STRN3: variants seen among roughly 807,000 people sequenced by gnomAD.
STRN3 encodes the protein striatin 3.
A neutral mutation model predicts 95.6 loss-of-function variants in STRN3; 29 were observed. The observed-to-expected ratio is 0.30, with a 90% CI of 0.23 to 0.41. STRN3 has a LOEUF of 0.41. Ranked by LOEUF, STRN3 falls within the 10% of genes least tolerant of loss-of-function variation. STRN3 has a pLI of 1.00. For missense variants in STRN3, 890 were observed against 972.1 expected, an observed-to-expected ratio of 0.92 and a Z score of 1.12; for synonymous variants, 331 against 357.6, an observed-to-expected ratio of 0.93 and a Z score of 0.84.
chr14:30,919,202 A>G, intron 8 of STRN3, 96 bp from the exon 9 acceptor site: 1 of 1,252,058 alleles, frequency 8.0e-7, no homozygotes, highest in Non-Finnish European at 1.1e-6. Context: ...ACAGACTATT[A>G]AGAAGTCCCA....
chr14:30,929,967 A>AACAACAACAAAAAAAAAAAAAAAC (rs1555317335), intron 7 of STRN3, among the ~76,000 whole-genome samples: 2 of 91,122 alleles, frequency 2.2e-5, no homozygotes, highest in African/African-American at 7.7e-5. Context: ...AAAAAAAAAA[A>AACAACAACAAAAAAAAAAAAAAAC]AAAAAAAAAA....
intron 1 of STRN3, among the ~76,000 whole-genome samples, chr14:30,985,529 G>T (rs568403953): frequency 6.6e-6 from 1 of 151,508 alleles, no homozygotes; most frequent in Admixed American, 6.6e-5. Flanking sequence ...ACTTCAATCT[G>T]GTGGGCAGAG....
chr14:30,993,255 A>AG, intron 1 of STRN3, among the ~76,000 whole-genome samples: 1 of 11,774 alleles, frequency 8.5e-5, no homozygotes, highest in Non-Finnish European at 5.0e-4. Flanking sequence ...ACACTGTCTC[A>AG]AAAAAAAAAA....
intron 1 of STRN3, among the ~76,000 whole-genome samples, chr14:31,019,179 G>A (rs1479019045): frequency 7.9e-5 from 12 of 152,096 alleles, no homozygotes; most frequent in Non-Finnish European, 1.6e-4. Flanking sequence ...GTGGTAGCAC[G>A]TGCCTATAGT....
chr14:30,995,963 T>C (rs917137485), intron 1 of STRN3, among the ~76,000 whole-genome samples: 1 of 152,292 alleles, frequency 6.6e-6, no homozygotes, highest in South Asian at 2.1e-4. Flanking sequence ...ATCCAATGAC[T>C]GATCAAACCT....
chr14:30,930,043 C>T (rs969464452), intron 7 of STRN3, among the ~76,000 whole-genome samples: 2 of 142,166 alleles, frequency 1.4e-5, no homozygotes, highest in African/African-American at 5.3e-5. Context: ...TAGTGATCAG[C>T]ATGGAGAAGT....
At position 30,929,855 on chromosome 14, in the gene STRN3, A is replaced by G. The variant is rs117197721; in HGVS notation, c.989-544T>C. ...ATAGTTCAAAAATACAATGTCTTGA[A>G]TAATCCATACAAAGCATTCAGAGTC... On this transcript the variant is annotated intron_variant, in intron 7 of 17. Transcript: ENST00000357479. 1.8e-3 allele frequency among the ~76,000 whole-genome samples: 276 copies of G among 151,170 alleles called. 5 individuals carry two copies. In the East Asian group the frequency reaches 0.032, roughly 17 times the overall value.
intron 1 of STRN3, among the ~76,000 whole-genome samples, chr14:30,977,708 G>A (rs1419048084): frequency 6.8e-6 from 1 of 147,326 alleles, no homozygotes; most frequent in Non-Finnish European, 1.5e-5. Flanking sequence ...CAGGAGAATC[G>A]CTTGAACCCA....
chr14:30,985,286 C>A (rs1160484066), intron 1 of STRN3, among the ~76,000 whole-genome samples: 1 of 122,850 alleles, frequency 8.1e-6, no homozygotes, highest in Non-Finnish European at 1.6e-5. Flanking sequence ...CCAGCCTGGG[C>A]AACAAGAGTA....
chr14:31,019,833 G>T (rs1319247769), intron 1 of STRN3, among the ~76,000 whole-genome samples: 2 of 151,352 alleles, frequency 1.3e-5, no homozygotes, highest in Non-Finnish European at 2.9e-5. Context: ...GGATACTGAT[G>T]TTACCTATAT....
At chr14:30,970,122 C>T (rs1052512068) in intron 1 of STRN3, among the ~76,000 whole-genome samples, 2 of 152,206 alleles carry the variant, frequency 1.3e-5, no homozygotes, top group African/African-American at 4.8e-5. Flanking sequence ...GTTATTAACA[C>T]CAAGTCAATT....
At chr14:30,997,698 G>C (rs1882267931) in intron 1 of STRN3, among the ~76,000 whole-genome samples, 2 of 152,112 alleles carry the variant, frequency 1.3e-5, no homozygotes, top group South Asian at 4.1e-4. Flanking sequence ...GGTCTCACCT[G>C]ACTAGAATAC....
chr14:30,939,077 C>T (rs1170898308), intron 5 of STRN3, among the ~76,000 whole-genome samples: 1 of 152,124 alleles, frequency 6.6e-6, no homozygotes, highest in African/African-American at 2.4e-5. Context: ...GCCCAAGTCC[C>T]ACAAGGGTGG....
Position 30,947,229 on chromosome 14 carries a change from A to G in STRN3, c.577T>C (p.Leu193=). The change falls in exon 5 of 18, where the codon TTA becomes CTA. Residue 193 remains leucine (L), a synonymous_variant. Coordinates refer to ENST00000357479, the MANE Select transcript of STRN3 (RefSeq NM_001083893.2). ...LQEVGYTDTI[L]DVRSQRVRSL... ...CTTACCCGCTGAGACCGTACATCTA[A>G]TATTGTATCTGTATAACCTACTTCC... is the stretch of plus-strand genomic sequence containing the variant. 1 of 1,607,568 alleles carries G rather than the reference A, an allele frequency of 6.2e-7. No individual in the cohort carries two copies. Among genetic ancestry groups the G allele is most frequent in the Non-Finnish European group, 8.5e-7 (1 of 1,177,864 alleles).
At chr14:30,962,660 G>A (rs1464708115) in intron 1 of STRN3, among the ~76,000 whole-genome samples, 5 of 151,932 alleles carry the variant, frequency 3.3e-5, no homozygotes, top group South Asian at 2.1e-4. Flanking sequence ...TCAGCCTCCC[G>A]AGCAGCTGGA....
intron 1 of STRN3, among the ~76,000 whole-genome samples, chr14:31,020,024 G>A (rs1037453424): frequency 1.3e-5 from 2 of 151,788 alleles, no homozygotes; most frequent in African/African-American, 4.8e-5. Flanking sequence ...CACCTGGCCA[G>A]TTCACAGTTT....
chr14:30,991,171 C>A (rs923581306), intron 1 of STRN3, among the ~76,000 whole-genome samples: 6 of 152,166 alleles, frequency 3.9e-5, no homozygotes. Flanking sequence ...GAAGTTCCTA[C>A]TATTAAGAGG....
At chr14:30,916,787 T>C (rs1055277034) in intron 9 of STRN3, among the ~76,000 whole-genome samples, 2 of 152,182 alleles carry the variant, frequency 1.3e-5, no homozygotes, top group African/African-American at 2.4e-5. Context: ...TCAAGTAAGA[T>C]AACAATACTA....
At chr14:31,021,855 G>A (rs1018819954) in intron 1 of STRN3, among the ~76,000 whole-genome samples, 14 of 152,266 alleles carry the variant, frequency 9.2e-5, no homozygotes, top group African/African-American at 3.4e-4. Flanking sequence ...ACTACAGAGT[G>A]GGGTTAATGG....
Sources: gnomAD v4.1 joint callset for allele counts (sites outside exome capture counted in the v4.1 genomes callset) on GRCh38, gnomAD v4.1.1 for gene constraint, MANE v1.5 for transcripts, NCBI Gene and HGNC (gene_info 2026-07-23, HGNC 2026-07-21) for gene names.